CTNNA2: variants seen among roughly 807,000 people sequenced by gnomAD.
CTNNA2 encodes catenin alpha 2.
CTNNA2 carries 42 observed loss-of-function variants against 101.0 expected under a neutral mutation model. The observed-to-expected ratio is 0.42, with a 90% CI of 0.32 to 0.54. CTNNA2 has a LOEUF of 0.54. Ranked by LOEUF, CTNNA2 falls within the 20% of genes least tolerant of loss-of-function variation. The probability of loss-of-function intolerance (pLI) is 0.14; values close to 1 mark genes in which losing one functional copy is unlikely to be tolerated. For missense variants in CTNNA2, 871 were observed against 1,223.1 expected, an observed-to-expected ratio of 0.71 and a Z score of 4.29; for synonymous variants, 450 against 456.4, an observed-to-expected ratio of 0.99 and a Z score of 0.18.
chr2:79,664,081 C>T (rs905472554), intron 2 of CTNNA2, among the ~76,000 whole-genome samples: 1 of 152,152 alleles, frequency 6.6e-6, no homozygotes, highest in South Asian at 2.1e-4. Flanking sequence ...TGTTTTAATA[C>T]TCAGCGACCT....
At chr2:79,998,406 C>G (rs1487561268) in intron 7 of CTNNA2, among the ~76,000 whole-genome samples, 1 of 152,078 alleles carries the variant, frequency 6.6e-6, no homozygotes, top group East Asian at 1.9e-4. Context: ...GCCTTCTTAT[C>G]TAGTTGGGAT....
At chr2:79,939,324 G>A (rs1315001718) in intron 7 of CTNNA2, among the ~76,000 whole-genome samples, 2 of 152,154 alleles carry the variant, frequency 1.3e-5, no homozygotes, top group Non-Finnish European at 2.9e-5. Context: ...TTCTGTGTAA[G>A]TCTGTTATTT....
In CTNNA2 at chr2:80,313,735, A is replaced by G. The variant is rs777947952; in HGVS notation, c.1057-79476A>G. The G allele has an allele frequency of 1.4e-4, 145 of 1,009,032 alleles. 1 individual carries two copies. Among genetic ancestry groups the G allele is most frequent in the Non-Finnish European group, 2.0e-4 (134 of 665,718 alleles). The allele number at this position is 1,009,032 out of a possible 1,614,324, so 62.5% of individuals were successfully genotyped here. A position where few individuals can be genotyped will look rare whatever the true frequency, so the allele number is the denominator to read the frequency against. ...ACTTTCAACTAGAAATATGATTTCC[A>G]AAATGTGAGTACAAGGAATATAATT... On this transcript the variant is annotated intron_variant, in intron 7 of 18. Transcript: ENST00000402739.
At chr2:80,425,950 G>GTTC (rs1007803017) in intron 9 of CTNNA2, among the ~76,000 whole-genome samples, 1 of 152,004 alleles carries the variant, frequency 6.6e-6, no homozygotes, top group Non-Finnish European at 1.5e-5. Context: ...TGTTGTTGTT[G>GTTC]TTTTCTCCAC....
intron 14 of CTNNA2, among the ~76,000 whole-genome samples, chr2:80,588,319 T>G (rs949479368): frequency 1.8e-4 from 28 of 152,222 alleles, no homozygotes; most frequent in African/African-American, 6.7e-4. Flanking sequence ...CACAAAGATA[T>G]GAAAAATGTA....
intron 9 of CTNNA2, among the ~76,000 whole-genome samples, chr2:80,485,049 G>A (rs984622150): frequency 2.0e-5 from 3 of 152,040 alleles, no homozygotes; most frequent in Admixed American, 6.6e-5. Context: ...GTCTATGAAT[G>A]AATCTTAAAA....
intron 7 of CTNNA2, among the ~76,000 whole-genome samples, chr2:80,021,018 T>C (rs1376111360): frequency 6.8e-6 from 1 of 146,926 alleles, no homozygotes; most frequent in African/African-American, 2.5e-5. Flanking sequence ...TTTTTTTTTT[T>C]TGAGACAAGT....
intron 8 of CTNNA2, among the ~76,000 whole-genome samples, chr2:80,398,233 A>G (rs1678215574): frequency 6.6e-6 from 1 of 152,212 alleles, no homozygotes; most frequent in African/African-American, 2.4e-5. Flanking sequence ...TGTTTTTCTC[A>G]CATCTGCTCA....
chr2:80,518,094 A>G (rs1009408918), intron 9 of CTNNA2, among the ~76,000 whole-genome samples: 2 of 152,236 alleles, frequency 1.3e-5, no homozygotes, highest in Admixed American at 6.5e-5. Context: ...ACTCAAAGAC[A>G]TTTATATTAA....
chr2:79,449,576 G>A (rs1042305562), intron 4 of CTNNA2, among the ~76,000 whole-genome samples: 1 of 152,020 alleles, frequency 6.6e-6, no homozygotes, highest in African/African-American at 2.4e-5. Flanking sequence ...TACCATCAAT[G>A]TTTACTGGAT....
At chr2:80,618,438 G>A (rs1049284947) in intron 17 of CTNNA2, among the ~76,000 whole-genome samples, 5 of 151,874 alleles carry the variant, frequency 3.3e-5, no homozygotes, top group Admixed American at 6.6e-5. Flanking sequence ...AGACTCTAAA[G>A]GTAGAAAAGG....
At chr2:79,595,127 A>G (rs1160268245) in intron 1 of CTNNA2, among the ~76,000 whole-genome samples, 4 of 152,110 alleles carry the variant, frequency 2.6e-5, no homozygotes. Context: ...GCCAGTTTCG[A>G]CTGTCATAAC....
chr2:80,368,411 T>C (rs1675131595), intron 7 of CTNNA2, among the ~76,000 whole-genome samples: 2 of 152,296 alleles, frequency 1.3e-5, no homozygotes, highest in South Asian at 4.1e-4. Context: ...GTAAAGCTAA[T>C]TCCCATCATA....
intron 4 of CTNNA2, among the ~76,000 whole-genome samples, chr2:79,427,041 C>A (rs1160032398): frequency 1.3e-5 from 2 of 151,956 alleles, no homozygotes; most frequent in Non-Finnish European, 2.9e-5. Context: ...ACCTCTCTCA[C>A]AACCCATTGC....
intron 2 of CTNNA2, among the ~76,000 whole-genome samples, chr2:79,698,389 A>G (rs1684779946): frequency 6.6e-6 from 1 of 152,082 alleles, no homozygotes; most frequent in African/African-American, 2.4e-5. Context: ...ACAGAACTTG[A>G]ATCGTTTCAA....
chr2:79,349,314 GC>G (rs1274644299), intron 3 of CTNNA2, among the ~76,000 whole-genome samples: 1 of 152,172 alleles, frequency 6.6e-6, no homozygotes, highest in African/African-American at 2.4e-5. Context: ...AGGTTATTGA[GC>G]AGTGTTTCTT....
intron 2 of CTNNA2, among the ~76,000 whole-genome samples, chr2:79,676,346 G>T (rs1386440941): frequency 1.3e-5 from 2 of 152,106 alleles, no homozygotes; most frequent in African/African-American, 4.8e-5. Flanking sequence ...CTGACTTCTG[G>T]GAGCAGCAGC....
chr2:79,594,196 T>C (rs2104009601), intron 1 of CTNNA2, among the ~76,000 whole-genome samples: 1 of 152,186 alleles, frequency 6.6e-6, no homozygotes, highest in African/African-American at 2.4e-5. Context: ...CCTCTTTTAC[T>C]TCTTTTTTAT....
At chr2:79,420,084 C>G (rs1678525044) in intron 4 of CTNNA2, among the ~76,000 whole-genome samples, 1 of 152,164 alleles carries the variant, frequency 6.6e-6, no homozygotes, top group Non-Finnish European at 1.5e-5. Context: ...AAGAACCCTC[C>G]TCAGCTTCTG....
Sources: allele counts gnomAD v4.1 joint callset (sites outside exome capture counted in the v4.1 genomes callset), GRCh38; gene constraint gnomAD v4.1.1; transcripts MANE v1.5; gene names NCBI Gene and HGNC (gene_info 2026-07-23, HGNC 2026-07-21).